The following MIIP variants were observed in gnomAD, a reference collection of about 807,000 sequenced individuals.
MIIP encodes migration and invasion-inhibitory protein.
MIIP carries 44 observed loss-of-function variants against 44.8 expected under a neutral mutation model. The ratio of observed to expected loss-of-function variants is 0.98; its 90% CI spans 0.77 to 1.26. The LOEUF is 1.26. MIIP is among the 50% of genes most tolerant of loss of function. The pLI is 0.00. For missense variants in MIIP, 496 were observed against 511.7 expected (o/e 0.97, Z 0.30); for synonymous variants, 225 against 218.3 (o/e 1.03, Z -0.27).
intron 2 of MIIP, 72 bp from the exon 3 acceptor site, chr1:12,022,023 T>G: frequency 6.6e-7 from 1 of 1,515,914 alleles, no homozygotes; most frequent in Non-Finnish European, 9.0e-7. Flanking sequence ...GATGCTTGCC[T>G]TGGTGCCTGG....
intron 4 of MIIP, among the ~76,000 whole-genome samples, chr1:12,026,180 C>T (rs1204641680): frequency 6.6e-6 from 1 of 152,070 alleles, no homozygotes; most frequent in African/African-American, 2.4e-5. Flanking sequence ...TGGCGGGCAC[C>T]TATAATCCCA....
rs766237224 is a variant in MIIP, at chr1:12,029,212, C to T, written c.657-11C>T. The T allele has an allele frequency of 3.3e-5, 54 of 1,613,532 alleles. 1 individual carries two copies. The highest frequency in any genetic ancestry group is 2.0e-4 in the East Asian group (9 of 44,898). ...CATCCCCCGGCCTGCTCATCCCCCT[C>T]GCCCTCTCAGACCCCAGTTGCCAGG... On this transcript the variant is annotated splice_polypyrimidine_tract_variant and intron_variant, in intron 5 of 9. Coordinates refer to ENST00000235332, the MANE Select transcript of MIIP (RefSeq NM_021933.4).
Position 12,031,355 on chromosome 1 carries a change from T to C in MIIP, c.1032T>C (p.Ala344=), listed in dbSNP as rs1363178295. ...RNLDLWSSVS[A]EAQHQKLSGT... is the part of the protein sequence containing the mutation. ...TGGACCTCTGGTCCTCTGTCTCCGC[T>C]GAGGCCCAGCACCAGAAGCTGTCCG... is the stretch of plus-strand genomic sequence containing the variant. The change falls in exon 9 of 10, where the codon GCT becomes GCC. Residue 344 remains alanine, a synonymous_variant. Transcript: ENST00000235332. The C allele has an allele frequency of 1.9e-6, 3 of 1,613,956 alleles. No homozygotes were observed. Among genetic ancestry groups the C allele is most frequent in the Non-Finnish European group, 2.5e-6 (3 of 1,179,938 alleles).
chr1:12,029,638 A>G, intron 6 of MIIP, 127 bp from the exon 7 acceptor site: 1 of 1,337,500 alleles, frequency 7.5e-7, no homozygotes, highest in Non-Finnish European at 1.0e-6. Flanking sequence ...GTTAGGAGGA[A>G]ATGGGCCGAA....
intron 4 of MIIP, among the ~76,000 whole-genome samples, chr1:12,025,330 G>A (rs1569921996): frequency 6.6e-6 from 1 of 152,036 alleles, no homozygotes; most frequent in South Asian, 2.1e-4. Flanking sequence ...AAAGTGCTGG[G>A]ATTACAGGTG....
chr1:12,022,803 G>T (rs1456738818), intron 3 of MIIP, 30 bp from the exon 4 acceptor site: 1 of 1,562,482 alleles, frequency 6.4e-7, no homozygotes, highest in Admixed American at 1.8e-5. Context: ...TCTTGGCTTA[G>T]TCCTTGTCCC....
At position 12,031,751 on chromosome 1, in the gene MIIP, C is replaced by T. The variant is rs1288893056; in HGVS notation, c.1110C>T (p.Thr370=). 6.2e-7 allele frequency: 1 copy of T among 1,614,086 alleles called. No individual in the cohort carries two copies. Among genetic ancestry groups the T allele is most frequent in the South Asian group, 1.1e-5 (1 of 91,082 alleles). Residue 370 remains threonine (T), a synonymous_variant, in exon 10 of 10, where the codon ACC becomes ACT. Transcript: ENST00000235332. ...CACCAATGCAGATGCTGCCCCCGAC[C>T]CCGACCTGGTCAGTGCCCCAGGTCC... The part of the protein sequence containing the change: ...PASPMQMLPP[T]PTWSVPQVPR...
chr1:12,030,115 C>G lies in MIIP; in HGVS notation c.933C>G (p.Ala311=). The G allele has an allele frequency of 6.2e-7, 1 of 1,612,692 alleles. No individual in the cohort carries two copies. Among genetic ancestry groups the G allele is most frequent in the South Asian group, 1.1e-5 (1 of 91,054 alleles). ...RKSFDASDTL[A]LPRHCLLGWD... Reference sequence around the variant, plus strand: ...GCTTTGACGCCTCTGACACACTGGCCCTGCCCCGGGTGAGCAGCCACGTGG... The same window carrying G: ...GCTTTGACGCCTCTGACACACTGGCGCTGCCCCGGGTGAGCAGCCACGTGG... Residue 311 remains alanine (A), a synonymous_variant, in exon 8 of 10, where the codon GCC becomes GCG. Coordinates refer to ENST00000235332, the MANE Select transcript of MIIP (RefSeq NM_021933.4).
intron 8 of MIIP, among the ~76,000 whole-genome samples, 198 bp downstream of exon 8, chr1:12,030,322 C>G (rs1640211559): frequency 6.6e-6 from 1 of 152,152 alleles, no homozygotes; most frequent in South Asian, 2.1e-4. Context: ...TACCCCGGTG[C>G]TTCCAGGGTG....
rs908354065 is a variant in MIIP at position 12,028,899 on chromosome 1, G to GTT, written c.548-132_548-131dup. On this transcript the variant is annotated intron_variant, in intron 4 of 9. Coordinates refer to ENST00000235332, the MANE Select transcript of MIIP (RefSeq NM_021933.4). ...GTGACTGGAGGGGCCCTCCTGGCCTGTTTGAGGCACAGTAGGGATGAAGCA... is the reference window on the plus strand; with the variant it reads ...GTGACTGGAGGGGCCCTCCTGGCCTGTTTTTGAGGCACAGTAGGGATGAAGCA... 9.9e-5 allele frequency: 69 copies of GTT among 696,584 alleles called. No individual in the cohort carries two copies. The African/African-American group carries it at 1.1e-3, about 11-fold the overall frequency. 43.2% of individuals were successfully genotyped at this position (696,584 alleles called of 1,614,324 possible). A position where few individuals can be genotyped will look rare whatever the true frequency, so the allele number is the denominator to read the frequency against.
chr1:12,031,218 G>A lies in MIIP; in HGVS notation c.943-48G>A, dbSNP rs532750016. The A allele has an allele frequency of 8.8e-6, 14 of 1,584,056 alleles. No individual in the cohort carries two copies. In the South Asian group the frequency reaches 1.1e-4, roughly 13 times the overall value. On this transcript the variant is annotated intron_variant, in intron 8 of 9. Transcript: ENST00000235332. ...CCTGATGGGGGTGTGCCCAGTCAGC[G>A]GGGAGCTTGTCCCAGGTCAGGCACT...
intron 4 of MIIP, among the ~76,000 whole-genome samples, chr1:12,026,881 C>T (rs927901711): frequency 3.9e-4 from 59 of 152,202 alleles, no homozygotes; most frequent in Admixed American, 3.7e-3. Flanking sequence ...ATGCCACATT[C>T]CTACCTTTAG....
At chr1:12,029,671 G>C (rs1301437661) in intron 6 of MIIP, 94 bp from the exon 7 acceptor site, 2 of 1,512,044 alleles carry the variant, frequency 1.3e-6, no homozygotes, top group African/African-American at 2.8e-5. Context: ...GGGATTGGCA[G>C]CTTGTGTGGT....
At chr1:12,029,391 G>A in intron 6 of MIIP, 110 bp downstream of exon 6, 3 of 1,195,286 alleles carry the variant, frequency 2.5e-6, no homozygotes, top group Non-Finnish European at 3.5e-6. Context: ...GGAGGCCCCT[G>A]AGATGTTGAG....
intron 6 of MIIP, 53 bp from the exon 7 acceptor site, chr1:12,029,712 G>A: frequency 6.3e-7 from 1 of 1,585,138 alleles, no homozygotes; most frequent in Non-Finnish European, 8.6e-7. Flanking sequence ...ACGGAGCCTG[G>A]GGACCTGGGT....
chr1:12,024,844 C>T (rs1477974019), intron 4 of MIIP, among the ~76,000 whole-genome samples: 1 of 152,136 alleles, frequency 6.6e-6, no homozygotes, highest in East Asian at 1.9e-4. Flanking sequence ...ATAATTACTC[C>T]CATTCCCCCT....
At chr1:12,030,148 T>C (rs780592578) in intron 8 of MIIP, 24 bp downstream of exon 8, 2 of 1,606,946 alleles carry the variant, frequency 1.2e-6, no homozygotes, top group Admixed American at 3.3e-5. Flanking sequence ...TGGGGCTGGA[T>C]GGTGATGAGG....
At chr1:12,028,941 A>G in intron 4 of MIIP, 92 bp from the exon 5 acceptor site, 1 of 1,058,618 alleles carries the variant, frequency 9.4e-7, no homozygotes, top group Non-Finnish European at 1.4e-6. Flanking sequence ...CTGGGGTGCC[A>G]GGGCTGATCG....
At chr1:12,023,001 T>C (rs901864490) in intron 4 of MIIP, 84 bp downstream of exon 4, 2 of 1,058,302 alleles carry the variant, frequency 1.9e-6, no homozygotes, top group Non-Finnish European at 2.8e-6. Context: ...TGTCTGAGCC[T>C]CCACCCGGTG....
Sources: gnomAD v4.1 joint callset for allele counts (sites outside exome capture counted in the v4.1 genomes callset) on GRCh38, gnomAD v4.1.1 for gene constraint, MANE v1.5 for transcripts, NCBI Gene and HGNC (gene_info 2026-07-23, HGNC 2026-07-21) for gene names.